Variants in SHISA9 observed in about 807,000 individuals in gnomAD.
SHISA9 encodes the protein protein shisa-9.
A neutral mutation model predicts 38.0 loss-of-function variants in SHISA9; 13 were observed. The observed-to-expected ratio is 0.34, with a 90% CI of 0.22 to 0.54. The LOEUF (loss-of-function observed/expected upper bound fraction) is 0.54. Among genes scored for constraint, SHISA9 ranks in the 20% least tolerant of loss-of-function variants. The pLI is 0.91. For synonymous variants in SHISA9, 275 were observed against 242.0 expected, an observed-to-expected ratio of 1.14 and a Z score of -1.27; for missense variants, 538 against 575.8, an observed-to-expected ratio of 0.93 and a Z score of 0.67.
intron 2 of SHISA9, among the ~76,000 whole-genome samples, chr16:13,184,698 A>G (rs1481703764): frequency 6.6e-6 from 1 of 152,204 alleles, no homozygotes; most frequent in Non-Finnish European, 1.5e-5. Context: ...TGTCTTATAA[A>G]TTGAATCAGA....
chr16:13,267,345 A>G, the SHISA9 span, among the ~76,000 whole-genome samples: 1 of 152,228 alleles, frequency 6.6e-6, no homozygotes, highest in South Asian at 2.1e-4. Context: ...AAATGGCAAT[A>G]CTATTTTCAG....
At chr16:13,532,627 G>C in the SHISA9 span, among the ~76,000 whole-genome samples, 1 of 151,770 alleles carries the variant, frequency 6.6e-6, no homozygotes, top group Non-Finnish European at 1.5e-5. Flanking sequence ...AGCAGTTATT[G>C]TTTTTACCTC....
chr16:13,446,434 A>G, the SHISA9 span, among the ~76,000 whole-genome samples: 1 of 152,198 alleles, frequency 6.6e-6, no homozygotes, highest in African/African-American at 2.4e-5. Context: ...CTTGTAGTCT[A>G]TAAGATAAAA....
At chr16:12,960,821 C>T (rs1444583663) in intron 2 of SHISA9, among the ~76,000 whole-genome samples, 1 of 152,176 alleles carries the variant, frequency 6.6e-6, no homozygotes. Flanking sequence ...CATCCTTCTT[C>T]CCTATCTCAG....
intron 2 of SHISA9, among the ~76,000 whole-genome samples, chr16:13,156,603 G>A (rs942571489): frequency 2.0e-5 from 3 of 151,914 alleles, no homozygotes; most frequent in African/African-American, 7.3e-5. Flanking sequence ...GCATGGTGGT[G>A]GGCGCCTGCA....
chr16:13,484,726 G>A, the SHISA9 span, among the ~76,000 whole-genome samples: 1 of 152,210 alleles, frequency 6.6e-6, no homozygotes, highest in Non-Finnish European at 1.5e-5. Flanking sequence ...CATGGTGGAA[G>A]GTGAAGAGGA....
intron 2 of SHISA9, among the ~76,000 whole-genome samples, chr16:13,161,511 C>T (rs1387090403): frequency 2.0e-5 from 3 of 152,086 alleles, no homozygotes; most frequent in Non-Finnish European, 4.4e-5. Flanking sequence ...TCATCTAAAC[C>T]CTGGCTGTCC....
intron 2 of SHISA9, among the ~76,000 whole-genome samples, chr16:12,973,508 G>A (rs1173632279): frequency 1.3e-5 from 2 of 152,170 alleles, no homozygotes; most frequent in Admixed American, 6.5e-5. Flanking sequence ...TCAGAGCAGA[G>A]ATTTGGCAGA....
chr16:13,047,513 A>T (rs78418619), intron 2 of SHISA9, among the ~76,000 whole-genome samples: 4,747 of 152,240 alleles, frequency 0.031, 164 homozygotes, highest in South Asian at 0.15. Context: ...TTTTGAGCCA[A>T]AGAGCTCTGG....
chr16:12,984,477 A>G (rs745618731), intron 2 of SHISA9, among the ~76,000 whole-genome samples: 1 of 152,134 alleles, frequency 6.6e-6, no homozygotes, highest in Admixed American at 6.5e-5. Context: ...TTACTCCATG[A>G]CGTGTCTCTC....
Position 13,239,317 on chromosome 16 carries a change from AG to A in SHISA9, c.*3909del, listed in dbSNP as rs1327269786. 1.3e-5 allele frequency: 2 copies of A among 151,480 alleles called. No individual in the cohort carries two copies. The highest frequency in any genetic ancestry group is 4.9e-5 in the African/African-American group (2 of 41,224). The allele number at this position is 151,480 out of a possible 1,614,324, so 9.4% of individuals were successfully genotyped here. On this transcript the variant is annotated 3_prime_UTR_variant, in exon 5 of 5. Transcript: ENST00000558583. ...AACATACGTGTGCATGTGTCTTTAT[AG>A]CAGCATGATTTATAGTCCTTTGGGT... is the stretch of plus-strand genomic sequence containing the variant.
chr16:13,108,374 C>T (rs1443965596), intron 2 of SHISA9, among the ~76,000 whole-genome samples: 1 of 152,178 alleles, frequency 6.6e-6, no homozygotes, highest in Non-Finnish European at 1.5e-5. Flanking sequence ...AAGCAATCCT[C>T]CTGCCTTGGC....
At chr16:12,945,629 G>A (rs1156958345) in intron 2 of SHISA9, among the ~76,000 whole-genome samples, 2 of 152,152 alleles carry the variant, frequency 1.3e-5, no homozygotes, top group Non-Finnish European at 2.9e-5. Flanking sequence ...CTAGTTATGT[G>A]GCCTTGAATA....
At chr16:13,027,584 C>T (rs771833801) in intron 2 of SHISA9, among the ~76,000 whole-genome samples, 2 of 152,020 alleles carry the variant, frequency 1.3e-5, no homozygotes, top group Non-Finnish European at 2.9e-5. Context: ...TGTGGTACAT[C>T]CACACAATGG....
At chr16:12,934,300 C>T (rs1043351404) in intron 2 of SHISA9, among the ~76,000 whole-genome samples, 1 of 152,202 alleles carries the variant, frequency 6.6e-6, no homozygotes, top group African/African-American at 2.4e-5. Flanking sequence ...TATTGTGTGT[C>T]AATGCTTGAC....
chr16:13,398,924 A>G, the SHISA9 span, among the ~76,000 whole-genome samples: 1 of 152,208 alleles, frequency 6.6e-6, no homozygotes, highest in Non-Finnish European at 1.5e-5. Context: ...TGGGTCATTC[A>G]GCAAATATCA....
At chr16:13,540,194 CA>C in the SHISA9 span, among the ~76,000 whole-genome samples, 7 of 15,796 alleles carry the variant, frequency 4.4e-4, no homozygotes, top group Non-Finnish European at 1.0e-3. Context: ...CATACATGCC[CA>C]CACACACACA....
the SHISA9 span, among the ~76,000 whole-genome samples, chr16:13,484,436 T>C: frequency 3.3e-5 from 5 of 152,172 alleles, no homozygotes; most frequent in Non-Finnish European, 4.4e-5. Context: ...GGACTTCACA[T>C]GCATAACTGG....
chr16:13,447,137 G>T, the SHISA9 span, among the ~76,000 whole-genome samples: 1 of 152,052 alleles, frequency 6.6e-6, no homozygotes, highest in Non-Finnish European at 1.5e-5. Context: ...CTTGGCACAT[G>T]TGAGCCTTTG....
Sources: gnomAD v4.1 joint callset for allele counts (sites outside exome capture counted in the v4.1 genomes callset) on GRCh38, gnomAD v4.1.1 for gene constraint, MANE v1.5 for transcripts, NCBI Gene and HGNC (gene_info 2026-07-23, HGNC 2026-07-21) for gene names.